PCDHGB5: variants seen among roughly 807,000 people sequenced by gnomAD.
The protein encoded by PCDHGB5 is protocadherin gamma-B5.
PCDHGB5 carries 48 observed loss-of-function variants against 62.9 expected under a neutral mutation model. The ratio of observed to expected loss-of-function variants is 0.76; its 90% CI spans 0.61 to 0.97. The LOEUF (loss-of-function observed/expected upper bound fraction) is 0.97. Ranked by LOEUF, PCDHGB5 falls within the 50% of genes least tolerant of loss-of-function variation. The probability of loss-of-function intolerance (pLI) is 0.00; values close to 1 mark genes in which losing one functional copy is unlikely to be tolerated. For synonymous variants in PCDHGB5, 474 were observed against 511.2 expected (o/e 0.93, Z 0.98); for missense variants, 1,118 against 1,198.6 (o/e 0.93, Z 0.99).
chr5:141,511,182 C>A lies in PCDHGB5; in HGVS notation c.*9C>A. ...AGAAGGAGAAGAAGTAACATGGAGG[C>A]CAGGCCAAGAGCCACAGGGCGGCCT... is the stretch of plus-strand genomic sequence containing the variant. On this transcript the variant is annotated 3_prime_UTR_variant, in exon 4 of 4. Transcript: ENST00000617380. 6.2e-7 allele frequency: 1 copy of A among 1,614,022 alleles called. No homozygotes were observed. Among genetic ancestry groups the A allele is most frequent in the Non-Finnish European group, 8.5e-7 (1 of 1,179,946 alleles).
intron 1 of PCDHGB5, among the ~76,000 whole-genome samples, chr5:141,456,887 C>T (rs112521083): frequency 0.042 from 6,384 of 152,090 alleles, 167 homozygotes; most frequent in Middle Eastern, 0.088. Flanking sequence ...CGCTTGAACC[C>T]GGGAGGCAGA....
chr5:141,491,152 G>A lies in PCDHGB5; in HGVS notation c.2398-3655G>A. 1 of 1,614,168 alleles carries A rather than the reference G, an allele frequency of 6.2e-7. No homozygotes were observed. The highest frequency in any genetic ancestry group is 8.5e-7 in the Non-Finnish European group (1 of 1,179,990). On this transcript the variant is annotated intron_variant, in intron 1 of 3. Transcript: ENST00000617380. The surrounding 1 kb of genome is among the most constrained non-coding windows in gnomAD (Gnocchi z 6.9). ...CACAGCCCGGGCCTTACTGGAGGAT[G>A]ACTCTGACACCCAGCAGGTGGTGGT...
chr5:141,489,210 G>C lies in PCDHGB5; in HGVS notation c.2398-5597G>C. ...TCTACCTTGGAGACAGGACAGCACA[G>C]ACTTACTCTCCACAAAGGGACTTCT... On this transcript the variant is annotated intron_variant, in intron 1 of 3. Coordinates refer to ENST00000617380, the MANE Select transcript of PCDHGB5 (RefSeq NM_018925.3). This position sits in a 1 kb window ranked among gnomAD's most constrained non-coding sequence, Gnocchi z 4.5. 6.8e-7 allele frequency: 1 copy of C among 1,461,860 alleles called. No individual in the cohort carries two copies. Among genetic ancestry groups the C allele is most frequent in the African/African-American group, 1.4e-5 (1 of 70,802 alleles). 90.6% of individuals were successfully genotyped at this position (1,461,860 alleles called of 1,614,324 possible).
At chr5:141,498,220 G>T (rs1562182972) in intron 2 of PCDHGB5, among the ~76,000 whole-genome samples, 1 of 152,222 alleles carries the variant, frequency 6.6e-6, no homozygotes, top group Non-Finnish European at 1.5e-5. Flanking sequence ...GAGCATTCCA[G>T]ATGGTCAGGC....
At chr5:141,455,607 G>A (rs2098827849) in intron 1 of PCDHGB5, among the ~76,000 whole-genome samples, 1 of 152,248 alleles carries the variant, frequency 6.6e-6, no homozygotes, top group East Asian at 1.9e-4. Context: ...GGGCGCCATG[G>A]ATGTTCTAAA....
chr5:141,402,850 T>C (rs1447900346), intron 1 of PCDHGB5: 7 of 1,417,624 alleles, frequency 4.9e-6, no homozygotes, highest in Non-Finnish European at 6.5e-6. Context: ...TCAGCCTCTT[T>C]CTTCTAAGGA....
rs1429860093 is a variant in PCDHGB5, at chr5:141,487,828, C to A, written c.2398-6979C>A. 3 of 1,184,120 alleles carry A rather than the reference C, an allele frequency of 2.5e-6. No individual in the cohort carries two copies. The highest frequency in any genetic ancestry group is 1.5e-5 in the African/African-American group (1 of 64,540). The allele number at this position is 1,184,120 out of a possible 1,614,324, so 73.4% of individuals were successfully genotyped here. A position where few individuals can be genotyped will look rare whatever the true frequency, so the allele number is the denominator to read the frequency against. ...AGTTTAGCATTGGGGGCGGGTCATG[C>A]CTATATCTGAGTAAGAAATGAAAGT... On this transcript the variant is annotated intron_variant, in intron 1 of 3. Coordinates refer to ENST00000617380, the MANE Select transcript of PCDHGB5 (RefSeq NM_018925.3). The surrounding 1 kb of genome is among the most constrained non-coding windows in gnomAD (Gnocchi z 5.0).
chr5:141,512,068 C>T lies in PCDHGB5; in HGVS notation c.*895C>T, dbSNP rs1215311369. 6.6e-6 allele frequency: 1 copy of T among 152,664 alleles called. No individual in the cohort carries two copies. The highest frequency in any genetic ancestry group is 1.5e-5 in the Non-Finnish European group (1 of 68,066). The allele number at this position is 152,664 out of a possible 1,614,324, so 9.5% of individuals were successfully genotyped here. On this transcript the variant is annotated 3_prime_UTR_variant, in exon 4 of 4. Transcript: ENST00000617380. The stretch of plus-strand genomic sequence containing the variant: ...TCCTCAGGGGACTGACAACATCCTC[C>T]AGATTCCAGCCATAAACCAATAACT...
intron 1 of PCDHGB5, among the ~76,000 whole-genome samples, chr5:141,447,898 C>T (rs531933709): frequency 3.1e-3 from 465 of 152,088 alleles, no homozygotes; most frequent in Non-Finnish European, 5.5e-3. Context: ...CCAGCCTGGC[C>T]AACATGGTGA....
Position 141,432,123 on chromosome 5 carries a change from C to G in PCDHGB5, c.2397+31599C>G, listed in dbSNP as rs1224794803. On this transcript the variant is annotated intron_variant, in intron 1 of 3. Transcript: ENST00000617380. This position sits in a 1 kb window ranked among gnomAD's most constrained non-coding sequence, Gnocchi z 6.0. ...GACAACCCGCCGGTCTTCCCTCAGG[C>G]CTCCTATTCCGCTTATATCCCAGAG... 1 of 1,614,172 alleles carries G rather than the reference C, an allele frequency of 6.2e-7. No homozygotes were observed. Among genetic ancestry groups the G allele is most frequent in the Admixed American group, 1.7e-5 (1 of 60,022 alleles).
At chr5:141,494,455 G>A (rs906714175) in intron 1 of PCDHGB5, among the ~76,000 whole-genome samples, 2 of 152,156 alleles carry the variant, frequency 1.3e-5, no homozygotes, top group African/African-American at 4.8e-5. Flanking sequence ...AGGGGGCTTT[G>A]TCTGCACCTC....
chr5:141,483,620 A>G (rs192148102), intron 1 of PCDHGB5, among the ~76,000 whole-genome samples: 472 of 151,650 alleles, frequency 3.1e-3, no homozygotes, highest in Non-Finnish European at 5.0e-3. Context: ...CATCATTCCC[A>G]TGGGAGAAGG....
chr5:141,451,314 G>A (rs1286009420), intron 1 of PCDHGB5, among the ~76,000 whole-genome samples: 1 of 152,218 alleles, frequency 6.6e-6, no homozygotes, highest in Non-Finnish European at 1.5e-5. Context: ...AGCAATTAAA[G>A]TGTCACCTAA....
intron 1 of PCDHGB5, among the ~76,000 whole-genome samples, chr5:141,472,280 A>G (rs988007394): frequency 6.6e-6 from 1 of 152,276 alleles, no homozygotes; most frequent in African/African-American, 2.4e-5. Context: ...AGTGGCTCAC[A>G]CCTGTAATCC....
chr5:141,437,638 A>G (rs192433359), intron 1 of PCDHGB5, among the ~76,000 whole-genome samples: 1 of 152,250 alleles, frequency 6.6e-6, no homozygotes, highest in Admixed American at 6.5e-5. Context: ...TGTCAGGTTC[A>G]GAAAAGCAAA....
At chr5:141,407,910 G>A in intron 1 of PCDHGB5, 1 of 428,786 alleles carries the variant, frequency 2.3e-6, no homozygotes, top group Non-Finnish European at 4.1e-6. Flanking sequence ...GAAAAACCGG[G>A]CTGCTGTCCC....
chr5:141,423,300 G>T, intron 1 of PCDHGB5: 2 of 1,614,146 alleles, frequency 1.2e-6, no homozygotes, highest in African/African-American at 1.3e-5. Context: ...CAGACCTCTC[G>T]CTGTACTTGG....
rs770093591 is a variant in PCDHGB5 at position 141,486,147 on chromosome 5, G to T, written c.2398-8660G>T. ...GAATTTGATGTGCGGGCTCGCGATG[G>T]GGGTTCTCCAGCCATGGAGCAACAT... On this transcript the variant is annotated intron_variant, in intron 1 of 3. Transcript: ENST00000617380. This position sits in a 1 kb window ranked among gnomAD's most constrained non-coding sequence, Gnocchi z 5.0. The T allele has an allele frequency of 6.2e-7, 1 of 1,614,168 alleles. No individual in the cohort carries two copies. The highest frequency in any genetic ancestry group is 1.7e-5 in the Admixed American group (1 of 60,028).
In PCDHGB5 at chr5:141,477,602, C is replaced by G. The variant is rs772296229; in HGVS notation, c.2398-17205C>G. ...GCAGAATGCTCGGCTTTCTTTCTTT[C>G]TCTTGGAGCAAGGAGCTGAAACCGG... On this transcript the variant is annotated intron_variant, in intron 1 of 3. Coordinates refer to ENST00000617380, the MANE Select transcript of PCDHGB5 (RefSeq NM_018925.3). This position sits in a 1 kb window ranked among gnomAD's most constrained non-coding sequence, Gnocchi z 4.9. 6.2e-7 allele frequency: 1 copy of G among 1,614,098 alleles called. No homozygotes were observed. Among genetic ancestry groups the G allele is most frequent in the East Asian group, 2.2e-5 (1 of 44,898 alleles).
Sources: gnomAD v4.1 joint callset for allele counts (sites outside exome capture counted in the v4.1 genomes callset) on GRCh38, gnomAD v4.1.1 for gene constraint, Gnocchi (gnomAD v3.1) non-coding constraint, MANE v1.5 for transcripts, NCBI Gene and HGNC (gene_info 2026-07-23, HGNC 2026-07-21) for gene names.